Variants in COL17A1 observed in about 807,000 individuals in gnomAD.
COL17A1 encodes collagen alpha-1(XVII) chain.
A neutral mutation model predicts 218.4 loss-of-function variants in COL17A1; 181 were observed. The observed-to-expected ratio is 0.83, with a 90% CI of 0.73 to 0.94. The LOEUF (loss-of-function observed/expected upper bound fraction) is 0.94, where lower values mean the gene tolerates loss of function less well. COL17A1 is among the 40% of genes least tolerant of loss of function. The probability of loss-of-function intolerance (pLI) is 0.00; values close to 1 mark genes in which losing one functional copy is unlikely to be tolerated. For missense variants in COL17A1, 1,924 were observed against 1,945.9 expected (o/e 0.99, Z 0.21); for synonymous variants, 721 against 731.0 (o/e 0.99, Z 0.22).
In COL17A1 at chr10:104,055,068, C is replaced by A. The variant is rs805691; in HGVS notation, c.1718-61G>T. 0.68 allele frequency: 1,093,835 copies of A among 1,609,372 alleles called. 378,377 individuals carry two copies. Among genetic ancestry groups the A allele is most frequent in the Admixed American group, 0.73 (43,479 of 59,368 alleles). On this transcript the variant is annotated intron_variant, in intron 19 of 55. Transcript: ENST00000648076. ...GCAAGAACCCAAAGGCCATACTCTG[C>A]CTTGTATTTTAAAACCATTTGACAA...
At chr10:104,045,605 C>T (rs951115188) in intron 33 of COL17A1, among the ~76,000 whole-genome samples, 153 bp downstream of exon 33, 2 of 152,108 alleles carry the variant, frequency 1.3e-5, no homozygotes, top group Admixed American at 6.5e-5. Context: ...TTCACAAATC[C>T]CTGGGCTCCC....
At chr10:104,045,664 G>T in intron 33 of COL17A1, 94 bp downstream of exon 33, 1 of 1,057,376 alleles carries the variant, frequency 9.5e-7, no homozygotes, top group Non-Finnish European at 1.5e-6. Context: ...GTTGATCCAG[G>T]CTCTGGCCAG....
intron 1 of COL17A1, among the ~76,000 whole-genome samples, chr10:104,085,065 G>T (rs140900076): frequency 6.6e-6 from 1 of 152,158 alleles, no homozygotes; most frequent in Non-Finnish European, 1.5e-5. Context: ...AAGTTGACTC[G>T]TAAGAGTATA....
chr10:104,046,872 G>C (rs1450441963), intron 31 of COL17A1, 99 bp from the exon 32 acceptor site: 2 of 1,082,344 alleles, frequency 1.8e-6, no homozygotes, highest in Admixed American at 3.8e-5. Context: ...CTGCAGTGGA[G>C]GGGTCAGTGG....
Position 104,055,849 on chromosome 10 carries a change from C to T in COL17A1, c.1620G>A (p.Leu540=), listed in dbSNP as rs1381404141. Residue 540 remains leucine, a synonymous_variant, in exon 18 of 56, where the codon CTG becomes CTA. Transcript: ENST00000648076. ...AAGADLDKIG[L]HSDSQEELWM... is the part of the protein sequence containing the mutation. ...AGAGCTCCTCCTGGCTGTCACTGTG[C>T]AGCCCAATTTTGTCCAGGTCTGCTC... 3 of 1,614,120 alleles carry T rather than the reference C, an allele frequency of 1.9e-6. No homozygotes were observed. The highest frequency in any genetic ancestry group is 2.2e-5 in the South Asian group (2 of 91,092).
At chr10:104,032,605 T>C in intron 55 of COL17A1, 69 bp downstream of exon 55, 2 of 1,489,830 alleles carry the variant, frequency 1.3e-6, no homozygotes, top group Non-Finnish European at 1.9e-6. Context: ...ACAAATCACC[T>C]GCTTCTCTAA....
chr10:104,058,715 C>T (rs990923091), intron 15 of COL17A1, among the ~76,000 whole-genome samples: 1 of 152,056 alleles, frequency 6.6e-6, no homozygotes, highest in Non-Finnish European at 1.5e-5. Flanking sequence ...GGGCAGATCA[C>T]GAGGTCAGGA....
rs1564673127 is a variant in COL17A1, at chr10:104,039,496, GGTTGA to G, written c.2840_2844del (p.Leu947ProfsTer16). 10 of 1,614,212 alleles carry G rather than the reference GGTTGA, an allele frequency of 6.2e-6. No homozygotes were observed. Among genetic ancestry groups the G allele is most frequent in the Non-Finnish European group, 8.5e-7 (1 of 1,180,044 alleles). ...CCAGGTGGGCCTGGTGGTCCCTGAA[GGTTGA>G]GTCCGAAAGAACTGGACCCTGGAAG... On this transcript the variant is annotated frameshift_variant, in exon 43 of 56. Coordinates refer to ENST00000648076, the MANE Select transcript of COL17A1 (RefSeq NM_000494.4). LOFTEE classifies it high-confidence loss of function.
intron 48 of COL17A1, among the ~76,000 whole-genome samples, chr10:104,035,799 T>TG (rs2086275465): frequency 6.6e-6 from 1 of 151,980 alleles, no homozygotes; most frequent in African/African-American, 2.4e-5. Context: ...TGTGTATGAG[T>TG]ATGTGTGTAT....
At position 104,038,491 on chromosome 10, in the gene COL17A1, T is replaced by A; in HGVS notation, c.2985A>T (p.Pro995=). The A allele has an allele frequency of 1.2e-6, 2 of 1,613,734 alleles. No homozygotes were observed. Among genetic ancestry groups the A allele is most frequent in the Non-Finnish European group, 1.7e-6 (2 of 1,179,924 alleles). The change falls in exon 45 of 56, where the codon CCA becomes CCT. Residue 995 remains proline, a synonymous_variant. Coordinates refer to ENST00000648076, the MANE Select transcript of COL17A1 (RefSeq NM_000494.4). ...GAGGCCCAGGGGGCCCAGGGGGCCC[T>A]GGCGGGCCTGACACGTACATGGTAC... ...SSSTMYVSGP[P]GPPGPPGPPG...
At position 104,062,702 on chromosome 10, in the gene COL17A1, A is replaced by G. The variant is rs564821230; in HGVS notation, c.839-373T>C. ...TGCACAGTGTGGGAACTGTAAGCTT[A>G]GGATATGGACACAGACACCTCGGGT... is the stretch of plus-strand genomic sequence containing the variant. On this transcript the variant is annotated intron_variant, in intron 11 of 55. Coordinates refer to ENST00000648076, the MANE Select transcript of COL17A1 (RefSeq NM_000494.4). Among the ~76,000 whole-genome samples the G allele has an allele frequency of 2.0e-5, 3 of 152,296 alleles. No homozygotes were observed. The East Asian group carries it at 5.8e-4, about 29-fold the overall frequency.
intron 51 of COL17A1, 93 bp from the exon 52 acceptor site, chr10:104,034,427 CCT>C (rs2086253835): frequency 6.8e-7 from 1 of 1,480,332 alleles, no homozygotes. Flanking sequence ...TGTCAATGCC[CCT>C]GAGAGACCAG....
In COL17A1 at chr10:104,076,335, T is replaced by A. The variant is rs1202683877; in HGVS notation, c.297A>T (p.Glu99Asp). 6.2e-7 allele frequency: 1 copy of A among 1,614,078 alleles called. No individual in the cohort carries two copies. The highest frequency in any genetic ancestry group is 8.5e-7 in the Non-Finnish European group (1 of 1,180,036). The change falls in exon 5 of 56, where the codon GAA becomes GAT. Residue 99 changes from glutamate (E) to aspartate (D), a missense_variant. Coordinates refer to ENST00000648076, the MANE Select transcript of COL17A1 (RefSeq NM_000494.4). ...TLPNSPGSTF[E>D]RKTHVTRHAY... The stretch of plus-strand genomic sequence containing the variant: ...CATGGCGGGTAACGTGAGTTTTCCT[T>A]TCAAAGGTTGAGCCTGGGGAGTTGG...
rs17116460 is a variant in COL17A1 at position 104,073,241 on chromosome 10, A to C, written c.384T>G (p.Ser128=). 6.2e-7 allele frequency: 1 copy of C among 1,613,862 alleles called. No individual in the cohort carries two copies. The highest frequency in any genetic ancestry group is 8.5e-7 in the Non-Finnish European group (1 of 1,179,824). The part of the protein sequence containing the change: ...SPEYPRKEFA[S]SSTRGRSQTR... ...TTTGACTCCGTCCTCTGGTTGAAGA[A>C]GATGCTGAGAAACAAAGAAATGCAT... The change falls in exon 7 of 56, where the codon TCT becomes TCG. Residue 128 remains serine, a synonymous_variant. Coordinates refer to ENST00000648076, the MANE Select transcript of COL17A1 (RefSeq NM_000494.4).
chr10:104,081,532 G>A (rs1020651121), intron 1 of COL17A1, among the ~76,000 whole-genome samples: 3 of 152,164 alleles, frequency 2.0e-5, no homozygotes, highest in Non-Finnish European at 4.4e-5. Context: ...CAAGGGTCCC[G>A]TCCCAACTGG....
chr10:104,059,752 C>A (rs1354949755), intron 14 of COL17A1, 34 bp from the exon 15 acceptor site: 1 of 1,598,076 alleles, frequency 6.3e-7, no homozygotes, highest in Admixed American at 1.7e-5. Flanking sequence ...CTGGCATATT[C>A]TCTTCTCAAC....
intron 1 of COL17A1, among the ~76,000 whole-genome samples, chr10:104,085,296 A>T (rs1449175723): frequency 2.0e-5 from 3 of 151,940 alleles, no homozygotes; most frequent in Non-Finnish European, 2.9e-5. Flanking sequence ...CTTTAACTTC[A>T]CCCCTGAGTT....
In COL17A1 at chr10:104,078,531, T is replaced by C. The variant is rs199560359; in HGVS notation, c.97+11A>G. On this transcript the variant is annotated intron_variant, in intron 3 of 55. Coordinates refer to ENST00000648076, the MANE Select transcript of COL17A1 (RefSeq NM_000494.4). ...CCTACTGAAAAGAAAGCTATTGAGG[T>C]AGTTACTTACTTGGTGGTAAGGATG... 6.2e-7 allele frequency: 1 copy of C among 1,613,996 alleles called. No homozygotes were observed. Among genetic ancestry groups the C allele is most frequent in the Non-Finnish European group, 8.5e-7 (1 of 1,180,004 alleles).
chr10:104,038,280 A>T (rs891539750), intron 45 of COL17A1, 126 bp downstream of exon 45: 103 of 888,136 alleles, frequency 1.2e-4, no homozygotes, highest in South Asian at 1.7e-4. Context: ...ACACACACAC[A>T]CTCCCACTGC....
Sources: allele counts gnomAD v4.1 joint callset (sites outside exome capture counted in the v4.1 genomes callset), GRCh38; gene constraint gnomAD v4.1.1; transcripts MANE v1.5; gene names NCBI Gene and HGNC (gene_info 2026-07-23, HGNC 2026-07-21).